ZNF451: variants seen among roughly 807,000 people sequenced by gnomAD.
ZNF451 encodes E3 SUMO-protein ligase ZNF451.
ZNF451 carries 80 observed loss-of-function variants against 107.1 expected under a neutral mutation model. The observed-to-expected ratio is 0.75, with a 90% CI of 0.62 to 0.90. The LOEUF (loss-of-function observed/expected upper bound fraction) is 0.90, where lower values mean the gene tolerates loss of function less well. ZNF451 is among the 40% of genes least tolerant of loss of function. The probability of loss-of-function intolerance (pLI) is 0.00; values close to 1 mark genes in which losing one functional copy is unlikely to be tolerated. For synonymous variants in ZNF451, 362 were observed against 406.5 expected, an observed-to-expected ratio of 0.89 and a Z score of 1.32; for missense variants, 1,107 against 1,236.2, an observed-to-expected ratio of 0.90 and a Z score of 1.57.
chr6:57,137,634 G>A (rs984242343), intron 7 of ZNF451, among the ~76,000 whole-genome samples: 4 of 152,078 alleles, frequency 2.6e-5, no homozygotes, highest in Admixed American at 1.3e-4. Flanking sequence ...GTGTGATAGT[G>A]GTGGTCGATA....
At chr6:57,166,439 TAAAAC>T (rs1195206000) in intron 14 of ZNF451, among the ~76,000 whole-genome samples, 1 of 152,220 alleles carries the variant, frequency 6.6e-6, no homozygotes, top group Non-Finnish European at 1.5e-5. Flanking sequence ...TAATAACACT[TAAAAC>T]ACAAACACTT....
intron 5 of ZNF451, among the ~76,000 whole-genome samples, chr6:57,131,988 G>A (rs942158280): frequency 1.3e-5 from 2 of 152,172 alleles, no homozygotes; most frequent in Admixed American, 6.5e-5. Context: ...TCTACAAGTT[G>A]TGTGACCTTA....
chr6:57,130,129 A>G (rs1446017675), intron 5 of ZNF451, among the ~76,000 whole-genome samples: 1 of 152,202 alleles, frequency 6.6e-6, no homozygotes, highest in Non-Finnish European at 1.5e-5. Flanking sequence ...AATGCTCAAC[A>G]TAGAGATACT....
Position 57,141,419 on chromosome 6 carries a change from G to A in ZNF451, c.820G>A (p.Gly274Arg). The A allele has an allele frequency of 1.9e-6, 3 of 1,612,426 alleles. No individual in the cohort carries two copies. Among genetic ancestry groups the A allele is most frequent in the Non-Finnish European group, 2.5e-6 (3 of 1,179,156 alleles). The change falls in exon 8 of 15, where the codon GGA (glycine) becomes AGA (arginine). Residue 274 changes from glycine (G) to arginine (R), a missense_variant. Coordinates refer to ENST00000370706, the MANE Select transcript of ZNF451 (RefSeq NM_001031623.3). ...RKEECSKHMS[G>R]KNHFHQSFKL... ...GGAGGAGTGTTCAAAGCATATGTCT[G>A]GAAAGAATCATTTCCATCAGAGTTT...
At chr6:57,101,621 T>C in intron 3 of ZNF451, 1 of 1,550,734 alleles carries the variant, frequency 6.4e-7, no homozygotes, top group Non-Finnish European at 8.7e-7. Flanking sequence ...CAGCGTAAAC[T>C]CTGGGAAGAC....
intron 11 of ZNF451, 105 bp from the exon 12 acceptor site, chr6:57,152,116 T>A (rs1832378932): frequency 9.4e-7 from 1 of 1,065,088 alleles, no homozygotes. Flanking sequence ...ATCTAGTACT[T>A]TGCCTCTAGA....
intron 13 of ZNF451, among the ~76,000 whole-genome samples, chr6:57,156,827 G>T (rs953347828): frequency 6.6e-6 from 1 of 152,160 alleles, no homozygotes; most frequent in Non-Finnish European, 1.5e-5. Context: ...AGGAGGTGGG[G>T]CATTAGATTC....
At chr6:57,130,949 A>G (rs1831152115) in intron 5 of ZNF451, among the ~76,000 whole-genome samples, 3 of 152,122 alleles carry the variant, frequency 2.0e-5, no homozygotes, top group Admixed American at 2.0e-4. Context: ...TTGCTTGAAC[A>G]GCTGTGTAGT....
At position 57,140,815 on chromosome 6, in the gene ZNF451, C is replaced by G. The variant is rs570557756; in HGVS notation, c.703-487C>G. The stretch of plus-strand genomic sequence containing the variant: ...CTTTAGGTACTATGGAATGAGAAAA[C>G]TAATAGGCAGAAGAGCCTATAAAAT... On this transcript the variant is annotated intron_variant, in intron 7 of 14. Coordinates refer to ENST00000370706, the MANE Select transcript of ZNF451 (RefSeq NM_001031623.3). 3.5e-4 allele frequency among the ~76,000 whole-genome samples: 53 copies of G among 152,244 alleles called. 1 individual carries two copies. The highest frequency in any genetic ancestry group is 1.3e-3 in the African/African-American group (53 of 41,558).
At chr6:57,142,152 A>G in intron 9 of ZNF451, 57 bp downstream of exon 9, 1 of 1,484,356 alleles carries the variant, frequency 6.7e-7, no homozygotes. Flanking sequence ...CAGTGAGAAG[A>G]TTCAACAAAT....
chr6:57,115,629 C>T (rs1233211396), intron 3 of ZNF451: 2 of 152,152 alleles, frequency 1.3e-5, no homozygotes, highest in Admixed American at 1.3e-4. Context: ...AGTGACTGAA[C>T]CAGAATCTGC....
rs779051041 is a variant in ZNF451 at position 57,169,508 on chromosome 6, A to C, written c.*1039A>C. On this transcript the variant is annotated 3_prime_UTR_variant, in exon 15 of 15. Transcript: ENST00000370706. ...ATATGCTTCATGTTATTTAACCAGA[A>C]ATGTCTTATCTCTAAAAATTTTTAG... is the stretch of plus-strand genomic sequence containing the variant. 3 of 152,126 alleles carry C rather than the reference A, an allele frequency of 2.0e-5. No homozygotes were observed. The highest frequency in any genetic ancestry group is 2.9e-5 in the Non-Finnish European group (2 of 67,990). The allele number at this position is 152,126 out of a possible 1,614,324, so 9.4% of individuals were successfully genotyped here. A position where few individuals can be genotyped will look rare whatever the true frequency, so the allele number is the denominator to read the frequency against.
chr6:57,107,658 A>G, intron 3 of ZNF451: 1 of 985,338 alleles, frequency 1.0e-6, no homozygotes. Flanking sequence ...TTACTGGTTG[A>G]GGTAACCTAT....
chr6:57,099,642 T>C, intron 3 of ZNF451: 1 of 630,046 alleles, frequency 1.6e-6, no homozygotes, highest in Non-Finnish European at 2.8e-6. Context: ...GTGCCCCACA[T>C]ATTTGGAGTT....
intron 3 of ZNF451, chr6:57,105,057 A>C: frequency 4.1e-6 from 4 of 985,370 alleles, no homozygotes; most frequent in Non-Finnish European, 4.8e-6. Flanking sequence ...TAAAACTTAA[A>C]GTGAGGATTT....
chr6:57,139,453 A>C (rs1017833533), intron 7 of ZNF451, among the ~76,000 whole-genome samples: 1 of 152,158 alleles, frequency 6.6e-6, no homozygotes, highest in African/African-American at 2.4e-5. Context: ...GCTCGGTATA[A>C]ATAAAAATTT....
rs1237140000 is a variant in ZNF451, at chr6:57,129,264, TAAGG to T, written c.424+428_424+431del. On this transcript the variant is annotated intron_variant, in intron 5 of 14. Transcript: ENST00000370706. ...CAGTGCAGCCTATGTAGATATTTAATAAGGAAGCATCCTCATAGACTTGTCAAAA... is the reference window on the plus strand; with the variant it reads ...CAGTGCAGCCTATGTAGATATTTAATAAGCATCCTCATAGACTTGTCAAAA... 2.0e-5 allele frequency among the ~76,000 whole-genome samples: 3 copies of T among 152,182 alleles called. No individual in the cohort carries two copies. In the East Asian group the frequency reaches 5.8e-4, roughly 29 times the overall value.
Position 57,133,145 on chromosome 6 carries a change from T to G in ZNF451, c.528T>G (p.Cys176Trp). ...GKPILCPIMH[C>W]NKEFDNGHLL... Reference sequence around the variant, plus strand: ...CAATTTTATGTCCTATAATGCACTGTAACAAGGAGTTTGACAATGGGCACC... The same window carrying G: ...CAATTTTATGTCCTATAATGCACTGGAACAAGGAGTTTGACAATGGGCACC... The change falls in exon 6 of 15, where the codon TGT becomes TGG. Residue 176 changes from cysteine (C) to tryptophan (W), a missense_variant. Cys to Trp is a radical substitution (Grantham distance 215). Coordinates refer to ENST00000370706, the MANE Select transcript of ZNF451 (RefSeq NM_001031623.3). 1 of 1,614,124 alleles carries G rather than the reference T, an allele frequency of 6.2e-7. No individual in the cohort carries two copies. Among genetic ancestry groups the G allele is most frequent in the Non-Finnish European group, 8.5e-7 (1 of 1,179,986 alleles).
intron 13 of ZNF451, among the ~76,000 whole-genome samples, chr6:57,159,991 A>T (rs887266043): frequency 6.6e-6 from 1 of 152,180 alleles, no homozygotes; most frequent in Non-Finnish European, 1.5e-5. Context: ...TTATGTCTTG[A>T]TATAAATATA....
Sources: allele counts gnomAD v4.1 joint callset (sites outside exome capture counted in the v4.1 genomes callset), GRCh38; gene constraint gnomAD v4.1.1; transcripts MANE v1.5; gene names NCBI Gene and HGNC (gene_info 2026-07-23, HGNC 2026-07-21).